Variants in TANC2 observed in about 807,000 individuals in gnomAD.
The protein encoded by TANC2 is protein TANC2.
A neutral mutation model predicts 210.5 loss-of-function variants in TANC2; 26 were observed. The ratio of observed to expected loss-of-function variants is 0.12; its 90% CI spans 0.09 to 0.17. The LOEUF is 0.17. TANC2 is among the 10% of genes least tolerant of loss of function. The probability of loss-of-function intolerance (pLI) is 1.00; values close to 1 mark genes in which losing one functional copy is unlikely to be tolerated. For missense variants in TANC2, 2,129 were observed against 2,608.9 expected, an observed-to-expected ratio of 0.82 and a Z score of 4.01; for synonymous variants, 931 against 967.1, an observed-to-expected ratio of 0.96 and a Z score of 0.69.
chr17:63,396,118 GGTATAGAAA>G (rs1436589587), intron 18 of TANC2, 190 bp downstream of exon 18: 7 of 568,774 alleles, frequency 1.2e-5, no homozygotes, highest in Non-Finnish European at 1.8e-5. Context: ...TCAAATTATA[GGTATAGAAA>G]GGTGCGAGTT....
At chr17:63,249,894 T>C (rs757232478) in intron 8 of TANC2, among the ~76,000 whole-genome samples, 7 of 152,160 alleles carry the variant, frequency 4.6e-5, no homozygotes, top group African/African-American at 1.7e-4. Flanking sequence ...GCAACTGATA[T>C]AAGAAGAAAC....
In TANC2 at chr17:63,233,295, G is replaced by A. The variant is rs539216856; in HGVS notation, c.770-4519G>A. Among the ~76,000 whole-genome samples the A allele has an allele frequency of 4.0e-5, 6 of 151,510 alleles. No homozygotes were observed. The East Asian group carries it at 7.8e-4, about 20-fold the overall frequency. On this transcript the variant is annotated intron_variant, in intron 7 of 27. Transcript: ENST00000689528. ...TTAGGCAGTTTCCAGCCAAGAGGCC[G>A]CCGAGAATCTGCACAGCTCTGTGCT...
chr17:62,997,306 T>A (rs2033165871), intron 1 of TANC2, among the ~76,000 whole-genome samples: 1 of 152,042 alleles, frequency 6.6e-6, no homozygotes, highest in African/African-American at 2.4e-5. Context: ...ATTTTCATCG[T>A]GTGCATTATT....
At chr17:63,002,060 A>G (rs2033411493) in intron 1 of TANC2, among the ~76,000 whole-genome samples, 1 of 152,176 alleles carries the variant, frequency 6.6e-6, no homozygotes, top group Non-Finnish European at 1.5e-5. Flanking sequence ...CAGGTATATA[A>G]GATGTCTTTT....
intron 9 of TANC2, among the ~76,000 whole-genome samples, chr17:63,311,520 A>G (rs981208183): frequency 6.6e-6 from 1 of 152,202 alleles, no homozygotes; most frequent in Admixed American, 6.5e-5. Context: ...TCAGTTTTCT[A>G]TAGTGAAAAT....
At chr17:63,054,109 A>G (rs928107792) in intron 2 of TANC2, among the ~76,000 whole-genome samples, 3 of 152,198 alleles carry the variant, frequency 2.0e-5, no homozygotes, top group African/African-American at 4.8e-5. Context: ...GTCACTTTAC[A>G]TCTCTGAATC....
intron 19 of TANC2, among the ~76,000 whole-genome samples, chr17:63,404,570 G>T (rs761633555): frequency 2.0e-5 from 3 of 152,150 alleles, no homozygotes; most frequent in Non-Finnish European, 2.9e-5. Flanking sequence ...GATTGCAAAT[G>T]TACCAGAAAC....
At chr17:63,329,474 TA>T (rs1032204111) in intron 11 of TANC2, among the ~76,000 whole-genome samples, 4 of 152,204 alleles carry the variant, frequency 2.6e-5, no homozygotes, top group African/African-American at 9.7e-5. Flanking sequence ...CATGACAATT[TA>T]AAAACTATTC....
chr17:63,298,266 A>G (rs192404115), intron 9 of TANC2, among the ~76,000 whole-genome samples: 1 of 152,338 alleles, frequency 6.6e-6, no homozygotes, highest in East Asian at 1.9e-4. Context: ...ACACAGCACC[A>G]CTATTTGTAG....
intron 21 of TANC2, among the ~76,000 whole-genome samples, chr17:63,408,867 A>G (rs1382760549): frequency 6.6e-6 from 1 of 152,232 alleles, no homozygotes; most frequent in African/African-American, 2.4e-5. Flanking sequence ...TAAATATGAC[A>G]TGCCTACTGT....
chr17:62,995,753 A>C (rs2033079281), intron 1 of TANC2, among the ~76,000 whole-genome samples: 1 of 152,174 alleles, frequency 6.6e-6, no homozygotes, highest in African/African-American at 2.4e-5. Context: ...AGATTGCATA[A>C]TTTGAAGCTC....
chr17:63,059,658 C>G (rs1354636762), intron 2 of TANC2, among the ~76,000 whole-genome samples: 1 of 151,306 alleles, frequency 6.6e-6, no homozygotes, highest in Non-Finnish European at 1.5e-5. Flanking sequence ...GGTTTCTTGT[C>G]AACCTCAGAA....
intron 12 of TANC2, among the ~76,000 whole-genome samples, chr17:63,345,993 A>G (rs183322519): frequency 3.3e-4 from 50 of 152,354 alleles, no homozygotes; most frequent in Admixed American, 2.4e-3. Flanking sequence ...TATGCAGTCA[A>G]TTGATCTTCT....
In TANC2 at chr17:63,268,780, G is replaced by A. The variant is rs555013467; in HGVS notation, c.1159+907G>A. On this transcript the variant is annotated intron_variant, in intron 9 of 27. Transcript: ENST00000689528. The stretch of plus-strand genomic sequence containing the variant: ...GCATGCTACATGCTTCTCCAAGCTG[G>A]CACCAGATCTTTTTAAAGACTGTCA... 6.6e-5 allele frequency among the ~76,000 whole-genome samples: 10 copies of A among 152,232 alleles called. No individual in the cohort carries two copies. In the South Asian group the frequency reaches 2.1e-3, roughly 32 times the overall value.
chr17:63,350,534 T>G (rs192075258), intron 12 of TANC2, among the ~76,000 whole-genome samples: 4 of 152,328 alleles, frequency 2.6e-5, no homozygotes, highest in Admixed American at 2.0e-4. Context: ...TGCCGGATCA[T>G]GTGGAGTCCA....
At chr17:63,268,916 T>C (rs1041419420) in intron 9 of TANC2, among the ~76,000 whole-genome samples, 1 of 152,188 alleles carries the variant, frequency 6.6e-6, no homozygotes, top group Non-Finnish European at 1.5e-5. Flanking sequence ...GATAGTCTCC[T>C]TTCTCTGGTA....
At chr17:62,979,091 A>G (rs1441400862) in intron 1 of TANC2, among the ~76,000 whole-genome samples, 2 of 152,098 alleles carry the variant, frequency 1.3e-5, no homozygotes, top group Non-Finnish European at 2.9e-5. Flanking sequence ...TACACGTTAT[A>G]CCACTGTCTT....
chr17:63,129,360 G>A (rs2038832755), intron 4 of TANC2, among the ~76,000 whole-genome samples: 1 of 152,106 alleles, frequency 6.6e-6, no homozygotes, highest in African/African-American at 2.4e-5. Flanking sequence ...TATTAGCTGT[G>A]TGAGTTTTTT....
intron 1 of TANC2, among the ~76,000 whole-genome samples, chr17:62,976,886 TCTC>T (rs1490392691): frequency 6.6e-6 from 1 of 152,188 alleles, no homozygotes; most frequent in Non-Finnish European, 1.5e-5. Context: ...CTTCCTTTGT[TCTC>T]CTCTGCCTTT....
Sources: allele counts gnomAD v4.1 joint callset (sites outside exome capture counted in the v4.1 genomes callset), GRCh38; gene constraint gnomAD v4.1.1; transcripts MANE v1.5; gene names NCBI Gene and HGNC (gene_info 2026-07-23, HGNC 2026-07-21).